The following PLB1 variants were observed in gnomAD, a reference collection of about 807,000 sequenced individuals.
PLB1 encodes the protein phospholipase B1.
PLB1 carries 242 observed loss-of-function variants against 227.4 expected under a neutral mutation model. The ratio of observed to expected loss-of-function variants is 1.06; its 90% confidence interval spans 0.96 to 1.18. PLB1 has a LOEUF of 1.18. Ranked by LOEUF, PLB1 falls within the 50% of genes most tolerant of loss-of-function variation. The pLI, the probability that PLB1 is intolerant of heterozygous loss-of-function variation, is 0.00. For synonymous variants in PLB1, 757 were observed against 682.2 expected (o/e 1.11, Z -1.71); for missense variants, 1,858 against 1,816.3 (o/e 1.02, Z -0.42).
chr2:28,548,745 T>A (rs536032397), intron 14 of PLB1, 115 bp from the exon 15 acceptor site: 5 of 984,382 alleles, frequency 5.1e-6, no homozygotes, highest in Non-Finnish European at 7.9e-6. Context: ...GACACGTGCA[T>A]TTCTAATGCG....
chr2:28,533,800 C>T (rs1476413038), intron 9 of PLB1, among the ~76,000 whole-genome samples: 1 of 152,202 alleles, frequency 6.6e-6, no homozygotes, highest in East Asian at 1.9e-4. Flanking sequence ...TACATAAATT[C>T]TTGCATGCTT....
chr2:28,617,975 G>T (rs1686437791), intron 45 of PLB1, among the ~76,000 whole-genome samples, 188 bp downstream of exon 45: 1 of 152,208 alleles, frequency 6.6e-6, no homozygotes, highest in African/African-American at 2.4e-5. Context: ...CTCTCCATTG[G>T]ATGCTACTTC....
At chr2:28,588,901 C>T (rs549658829) in intron 26 of PLB1, among the ~76,000 whole-genome samples, 18 of 152,152 alleles carry the variant, frequency 1.2e-4, no homozygotes, top group African/African-American at 3.4e-4. Flanking sequence ...CGCGGTGGCT[C>T]GCACCTGTAA....
At chr2:28,600,980 G>A in intron 36 of PLB1, 120 bp downstream of exon 36, 1 of 932,712 alleles carries the variant, frequency 1.1e-6, no homozygotes, top group East Asian at 2.6e-5. Flanking sequence ...CATTCAAGCA[G>A]TGGTCGGACA....
chr2:28,561,928 TAACAAATGAACCTTGAA>T (rs954247405), intron 17 of PLB1, among the ~76,000 whole-genome samples: 6 of 24,234 alleles, frequency 2.5e-4, no homozygotes, highest in Non-Finnish European at 1.0e-3. Flanking sequence ...ATACATGCTA[TAACAAATGAACCTTGAA>T]AACATTATGC....
chr2:28,548,531 C>T, intron 14 of PLB1: 1 of 486,194 alleles, frequency 2.1e-6, no homozygotes, highest in Non-Finnish European at 4.2e-6. Flanking sequence ...GGCCCCACCT[C>T]AACCTCTGCT....
chr2:28,633,188 A>C (rs1188626820), intron 56 of PLB1, 149 bp downstream of exon 56: 4 of 612,430 alleles, frequency 6.5e-6, no homozygotes, highest in Non-Finnish European at 1.1e-5. Flanking sequence ...TGATAGATTA[A>C]TTCCAAAGGG....
intron 4 of PLB1, among the ~76,000 whole-genome samples, chr2:28,523,916 C>T (rs1669880133): frequency 6.6e-6 from 1 of 152,220 alleles, no homozygotes; most frequent in Non-Finnish European, 1.5e-5. Flanking sequence ...CTGCTCCCCT[C>T]ATTACCTAAC....
At chr2:28,547,209 A>AAAG (rs1440110403) in intron 14 of PLB1, among the ~76,000 whole-genome samples, 1 of 51,590 alleles carries the variant, frequency 1.9e-5, no homozygotes, top group African/African-American at 4.5e-5. Context: ...CTCCAAAAAA[A>AAAG]AAAAAAAGAA....
At chr2:28,618,865 G>A (rs926836387) in intron 46 of PLB1, among the ~76,000 whole-genome samples, 3 of 152,108 alleles carry the variant, frequency 2.0e-5, no homozygotes, top group East Asian at 3.9e-4. Flanking sequence ...AGTGAATTGT[G>A]TTCGCCAATT....
chr2:28,591,909 C>T, intron 31 of PLB1, 149 bp downstream of exon 31: 1 of 768,650 alleles, frequency 1.3e-6, no homozygotes, highest in Non-Finnish European at 2.1e-6. Flanking sequence ...GGGATGAGTC[C>T]CTGTTTCGCA....
intron 1 of PLB1, 23 bp downstream of exon 1, chr2:28,496,192 G>A (rs1435281767): frequency 5.6e-6 from 9 of 1,611,976 alleles, no homozygotes; most frequent in Non-Finnish European, 1.7e-6. Flanking sequence ...TTTGCTCAGA[G>A]GACAACCAGT....
intron 6 of PLB1, among the ~76,000 whole-genome samples, chr2:28,528,888 C>T (rs1027912751): frequency 6.6e-5 from 10 of 151,220 alleles, no homozygotes; most frequent in Non-Finnish European, 4.4e-5. Flanking sequence ...AGGACCATGC[C>T]TTGGAATAGG....
chr2:28,529,830 A>C, intron 8 of PLB1, 51 bp downstream of exon 8: 1 of 1,577,398 alleles, frequency 6.3e-7, no homozygotes, highest in Non-Finnish European at 8.7e-7. Flanking sequence ...CTTTGCTGCA[A>C]GGCGGGCAGA....
At chr2:28,523,270 C>A (rs1669770055) in intron 4 of PLB1, among the ~76,000 whole-genome samples, 1 of 149,844 alleles carries the variant, frequency 6.7e-6, no homozygotes, top group South Asian at 2.1e-4. Flanking sequence ...TATAGCAATA[C>A]ATAGGGAAAT....
At chr2:28,554,642 A>T (rs1674775373) in intron 17 of PLB1, among the ~76,000 whole-genome samples, 1 of 151,802 alleles carries the variant, frequency 6.6e-6, no homozygotes, top group African/African-American at 2.4e-5. Flanking sequence ...TGAAAGTTTT[A>T]ATAGCCACAC....
intron 17 of PLB1, among the ~76,000 whole-genome samples, chr2:28,554,505 T>TTTTTTTG (rs1674739863): frequency 7.2e-6 from 1 of 139,444 alleles, no homozygotes; most frequent in Non-Finnish European, 1.6e-5. Context: ...TTTTTTTTTT[T>TTTTTTTG]TTTTTTTTTT....
chr2:28,529,549 G>A, intron 7 of PLB1, 142 bp downstream of exon 7: 1 of 940,532 alleles, frequency 1.1e-6, no homozygotes, highest in Non-Finnish European at 1.6e-6. Context: ...GCCCCCTCAA[G>A]CTGATTTCAG....
At position 28,614,067 on chromosome 2, in the gene PLB1, T is replaced by TAC. The variant is rs751374595; in HGVS notation, c.3169_3170dup (p.Tyr1058ArgfsTer48). On this transcript the variant is annotated frameshift_variant, in exon 44 of 58. Coordinates refer to ENST00000327757, the MANE Select transcript of PLB1 (RefSeq NM_153021.5). LOFTEE classifies it high-confidence loss of function. Reference sequence around the variant, plus strand: ...CCTGAGAACCCCTCGGAATAGTAACTACACGTACCCCATCAAGCCAGCCAT... The same window carrying TAC: ...CCTGAGAACCCCTCGGAATAGTAACTACACACGTACCCCATCAAGCCAGCCAT... 6.2e-7 allele frequency: 1 copy of TAC among 1,613,260 alleles called. No individual in the cohort carries two copies. The highest frequency in any genetic ancestry group is 8.5e-7 in the Non-Finnish European group (1 of 1,179,304).
Sources: allele counts gnomAD v4.1 joint callset (sites outside exome capture counted in the v4.1 genomes callset), GRCh38; gene constraint gnomAD v4.1.1; transcripts MANE v1.5; gene names NCBI Gene and HGNC (gene_info 2026-07-23, HGNC 2026-07-21).